ZFYVE28: variants seen among roughly 807,000 people sequenced by gnomAD.
ZFYVE28 encodes the protein lateral signaling target protein 2 homolog.
In ZFYVE28, 40 loss-of-function variants were observed where a neutral mutation model predicts 82.1. The ratio of observed to expected loss-of-function variants is 0.49; its 90% CI spans 0.38 to 0.63. ZFYVE28 has a LOEUF of 0.63. Among genes scored for constraint, ZFYVE28 ranks in the 30% least tolerant of loss-of-function variants. The pLI is 0.00. For missense variants in ZFYVE28, 1,321 were observed against 1,242.1 expected (o/e 1.06, Z -0.96); for synonymous variants, 612 against 546.1 (o/e 1.12, Z -1.68).
chr4:2,280,269 A>C (rs887879550), intron 8 of ZFYVE28, among the ~76,000 whole-genome samples: 16 of 152,334 alleles, frequency 1.1e-4, no homozygotes, highest in Admixed American at 1.0e-3. Context: ...AATTATTGGG[A>C]GGCTGAGGCG....
In ZFYVE28 at chr4:2,341,881, G is replaced by A. The variant is rs1722876914; in HGVS notation, c.181-266C>T. 4.6e-5 allele frequency among the ~76,000 whole-genome samples: 7 copies of A among 152,178 alleles called. No homozygotes were observed. In the South Asian group the frequency reaches 1.0e-3, roughly 22 times the overall value. On this transcript the variant is annotated intron_variant, in intron 2 of 12. Coordinates refer to ENST00000290974, the MANE Select transcript of ZFYVE28 (RefSeq NM_020972.3). The surrounding 1 kb of genome is among the most constrained non-coding windows in gnomAD (Gnocchi z 4.5). ...CTAAAAATACAAAAATTAGCCGGGC[G>A]TGGTAGCGCACACCTGTAATCCCAG...
At chr4:2,271,024 G>A in intron 12 of ZFYVE28, 168 bp from the exon 13 acceptor site, 1 of 1,007,788 alleles carries the variant, frequency 9.9e-7, no homozygotes, top group East Asian at 2.6e-5. Flanking sequence ...GACTCTATGA[G>A]GGGTCCACGT....
At chr4:2,278,943 A>AC (rs1711546338) in intron 8 of ZFYVE28, among the ~76,000 whole-genome samples, 1 of 145,444 alleles carries the variant, frequency 6.9e-6, no homozygotes, top group Non-Finnish European at 1.5e-5. Flanking sequence ...CCCCCCCTCA[A>AC]AAAAAAAAAA....
At chr4:2,303,799 C>T (rs1440736620) in intron 8 of ZFYVE28, among the ~76,000 whole-genome samples, 1 of 152,248 alleles carries the variant, frequency 6.6e-6, no homozygotes, top group Non-Finnish European at 1.5e-5. Context: ...GCGCCCACGG[C>T]CACGGGTCTG....
chr4:2,286,129 G>A (rs1320619995), intron 8 of ZFYVE28: 1 of 152,748 alleles, frequency 6.5e-6, no homozygotes, highest in Non-Finnish European at 1.5e-5. Context: ...TCCCTGTGGG[G>A]AGCATGGGGT....
intron 8 of ZFYVE28, among the ~76,000 whole-genome samples, chr4:2,297,613 C>A (rs556127227): frequency 6.6e-6 from 1 of 152,390 alleles, no homozygotes; most frequent in Admixed American, 6.5e-5. Context: ...AAAGCCAAGA[C>A]TGATCATGGC....
At chr4:2,330,449 G>A (rs769469297) in intron 6 of ZFYVE28, 1,104 of 1,067,220 alleles carry the variant, frequency 1.0e-3, no homozygotes, top group Non-Finnish European at 1.2e-3. Flanking sequence ...GGGACAGCAC[G>A]GAGGAGGGAA....
chr4:2,363,967 A>G (rs1726512818), intron 1 of ZFYVE28, among the ~76,000 whole-genome samples: 1 of 152,194 alleles, frequency 6.6e-6, no homozygotes, highest in Non-Finnish European at 1.5e-5. Context: ...TGACGGTGGA[A>G]GACTTATCCT....
At chr4:2,407,110 C>T (rs961354531) in intron 1 of ZFYVE28, among the ~76,000 whole-genome samples, 1 of 112,338 alleles carries the variant, frequency 8.9e-6, no homozygotes, top group Admixed American at 1.2e-4. Context: ...ACTCCCTCCC[C>T]GACTCCTGGG....
In ZFYVE28 at chr4:2,409,747, A is replaced by T. The variant is rs1436397319; in HGVS notation, c.39+8538T>A. On this transcript the variant is annotated intron_variant, in intron 1 of 12. Transcript: ENST00000290974. The surrounding 1 kb of genome is among the most constrained non-coding windows in gnomAD (Gnocchi z 4.4). ...TCTGTGGGAGGAGGTCGGTTTGAGA[A>T]ATTTGTCAGAACTACCCAACCACGA... 6.6e-6 allele frequency among the ~76,000 whole-genome samples: 1 copy of T among 152,220 alleles called. No individual in the cohort carries two copies. Among genetic ancestry groups the T allele is most frequent in the Non-Finnish European group, 1.5e-5 (1 of 68,032 alleles).
intron 1 of ZFYVE28, among the ~76,000 whole-genome samples, chr4:2,400,766 G>A (rs1731090416): frequency 6.6e-6 from 1 of 152,122 alleles, no homozygotes; most frequent in African/African-American, 2.4e-5. Flanking sequence ...TCTTCTGCCT[G>A]CTTTACATTC....
chr4:2,384,963 T>C lies in ZFYVE28; in HGVS notation c.40-30890A>G, dbSNP rs1729099385. ...TCATCTGTCCTGATTTTAAGGATTA[T>C]CATAAACACACCAATCCTGTACACC... On this transcript the variant is annotated intron_variant, in intron 1 of 12. Transcript: ENST00000290974. Among the ~76,000 whole-genome samples, 3 of 151,696 alleles carry C rather than the reference T, an allele frequency of 2.0e-5. No homozygotes were observed. The South Asian group carries it at 6.2e-4, about 32-fold the overall frequency.
In ZFYVE28 at chr4:2,335,180, A is replaced by G. The variant is rs1269706923; in HGVS notation, c.701+525T>C. Among the ~76,000 whole-genome samples the G allele has an allele frequency of 1.3e-5, 2 of 151,772 alleles. No individual in the cohort carries two copies. ...GCCCCGCTGGCAGGAAAGGTTCCACACAGGTATTCCATCAGCCAGACCAAC... is the reference window on the plus strand; with the variant it reads ...GCCCCGCTGGCAGGAAAGGTTCCACGCAGGTATTCCATCAGCCAGACCAAC... On this transcript the variant is annotated intron_variant, in intron 6 of 12. Coordinates refer to ENST00000290974, the MANE Select transcript of ZFYVE28 (RefSeq NM_020972.3). The surrounding 1 kb of genome is among the most constrained non-coding windows in gnomAD (Gnocchi z 5.8).
At position 2,332,970 on chromosome 4, in the gene ZFYVE28, C is replaced by A. The variant is rs1290228055; in HGVS notation, c.701+2735G>T. ...CCTGGACAGGCCTGCTCCCTGGACT[C>A]TGGCTTTGGGCTCTTATGCCCTCTC... On this transcript the variant is annotated intron_variant, in intron 6 of 12. Coordinates refer to ENST00000290974, the MANE Select transcript of ZFYVE28 (RefSeq NM_020972.3). This position sits in a 1 kb window ranked among gnomAD's most constrained non-coding sequence, Gnocchi z 4.7. 2.0e-5 allele frequency among the ~76,000 whole-genome samples: 3 copies of A among 152,066 alleles called. No individual in the cohort carries two copies.
At chr4:2,322,747 G>A (rs539305065) in intron 6 of ZFYVE28, among the ~76,000 whole-genome samples, 1 of 152,282 alleles carries the variant, frequency 6.6e-6, no homozygotes, top group Admixed American at 6.5e-5. Context: ...AATCACCACT[G>A]ACTTCCTCAC....
Position 2,320,130 on chromosome 4 carries a change from T to TGCC in ZFYVE28, c.803+39_803+40insGGC. 6.3e-7 allele frequency: 1 copy of TGCC among 1,586,070 alleles called. No homozygotes were observed. ...TCAGCGCCCACCTGTGGCCCTCCTG[T>TGCC]CCCCCTCCCCTCCCCCACCTCCTCT... On this transcript the variant is annotated intron_variant, in intron 7 of 12. Transcript: ENST00000290974. The surrounding 1 kb of genome is among the most constrained non-coding windows in gnomAD (Gnocchi z 5.1).
chr4:2,322,004 G>A (rs1719149199), intron 6 of ZFYVE28, among the ~76,000 whole-genome samples: 1 of 152,236 alleles, frequency 6.6e-6, no homozygotes, highest in Admixed American at 6.5e-5. Flanking sequence ...CCTCCTGGGA[G>A]CCTGCGGGGA....
rs370681024 is a variant in ZFYVE28 at position 2,354,009 on chromosome 4, G to A, written c.104C>T (p.Ala35Val). Reference sequence around the variant, plus strand: ...CCGCCCATCCAGGCTGTCCAGCTCCGCGGCCACCTGGTTCAGCTCCTCGTC... The same window carrying A: ...CCGCCCATCCAGGCTGTCCAGCTCCACGGCCACCTGGTTCAGCTCCTCGTC... ...YADEELNQVAAELDSLDGRKD... is the reference protein window; with the variant it reads ...YADEELNQVAVELDSLDGRKD... The change falls in exon 2 of 13, where the codon GCG becomes GTG. Residue 35 changes from alanine to valine, a missense_variant. Physicochemically the swap from Ala to Val is moderately conservative, Grantham distance 64 (BLOSUM62 0). Coordinates refer to ENST00000290974, the MANE Select transcript of ZFYVE28 (RefSeq NM_020972.3). The A allele has an allele frequency of 1.8e-5, 28 of 1,581,066 alleles. No homozygotes were observed. The highest frequency in any genetic ancestry group is 9.3e-5 in the South Asian group (8 of 85,880).
In ZFYVE28 at chr4:2,338,855, C is replaced by T. The variant is rs113478262; in HGVS notation, c.521+598G>A. Among the ~76,000 whole-genome samples, 450 of 152,240 alleles carry T rather than the reference C, an allele frequency of 3.0e-3. 3 individuals are homozygous for T. The highest frequency in any genetic ancestry group is 0.01 in the African/African-American group (430 of 41,530). On this transcript the variant is annotated intron_variant, in intron 4 of 12. Coordinates refer to ENST00000290974, the MANE Select transcript of ZFYVE28 (RefSeq NM_020972.3). ...TTGTTGTTGTTTTGAGATGCAGTCT[C>T]GCTCTCTCGCCCAGGCTGGAATGCA... is the stretch of plus-strand genomic sequence containing the variant.
Sources: allele counts gnomAD v4.1 joint callset (sites outside exome capture counted in the v4.1 genomes callset), GRCh38; gene constraint gnomAD v4.1.1; non-coding constraint Gnocchi (gnomAD v3.1); transcripts MANE v1.5; gene names NCBI Gene and HGNC (gene_info 2026-07-23, HGNC 2026-07-21).